HTR7: variants seen among roughly 807,000 people sequenced by gnomAD.
HTR7 encodes the protein 5-HT-7.
Under a neutral mutation model 34.0 loss-of-function variants are expected in HTR7, and 16 were observed. That is an observed-to-expected ratio of 0.47 (90% CI 0.32 to 0.71). The LOEUF is 0.71. HTR7 is among the 30% of genes least tolerant of loss of function. The pLI is 0.04. For missense variants in HTR7, 504 were observed against 625.5 expected (o/e 0.81, Z 2.07); for synonymous variants, 265 against 260.2 (o/e 1.02, Z -0.18).
chr10:90,784,354 T>C (rs1356024295), intron 1 of HTR7, among the ~76,000 whole-genome samples: 2 of 152,170 alleles, frequency 1.3e-5, no homozygotes, highest in African/African-American at 4.8e-5. Context: ...CTCTAATCCT[T>C]CTTAGGCAAG....
chr10:90,815,882 G>A (rs1018203005), intron 1 of HTR7, among the ~76,000 whole-genome samples: 4 of 152,188 alleles, frequency 2.6e-5, no homozygotes, highest in Admixed American at 2.0e-4. Context: ...GCAAAAGTCT[G>A]TGAGCACTTC....
At chr10:90,853,287 C>CT (rs35477812) in intron 1 of HTR7, among the ~76,000 whole-genome samples, 7,171 of 110,050 alleles carry the variant, frequency 0.065, 245 homozygotes, top group Non-Finnish European at 0.096. Context: ...TTTTTTTTTT[C>CT]TTTTTTTTTT....
rs1263773667 is a variant in HTR7 at position 90,857,231 on chromosome 10, C to T, written c.441G>A (p.Lys147=). The T allele has an allele frequency of 6.2e-7, 1 of 1,614,184 alleles. No individual in the cohort carries two copies. The highest frequency in any genetic ancestry group is 8.5e-7 in the Non-Finnish European group (1 of 1,180,034). The change falls in exon 1 of 4, where the codon AAG becomes AAA. Residue 147 remains lysine, a synonymous_variant. Coordinates refer to ENST00000336152, the MANE Select transcript of HTR7 (RefSeq NM_019859.4). This position sits in a 1 kb window ranked among gnomAD's most constrained non-coding sequence, Gnocchi z 6.5. The part of the protein sequence containing the change: ...FVSVTDLIGG[K]WIFGHFFCNV... ...TACAGAAAAAGTGTCCAAAGATCCA[C>T]TTGCCCCCGATGAGGTCGGTGACGC...
At chr10:90,763,837 T>C (rs552721664) in intron 1 of HTR7, among the ~76,000 whole-genome samples, 33 of 152,368 alleles carry the variant, frequency 2.2e-4, no homozygotes, top group African/African-American at 7.0e-4. Flanking sequence ...GGTGTATATG[T>C]ACCACGTTTT....
At chr10:90,841,962 T>G (rs1317617765) in intron 1 of HTR7, among the ~76,000 whole-genome samples, 2 of 152,182 alleles carry the variant, frequency 1.3e-5, no homozygotes, top group African/African-American at 2.4e-5. Flanking sequence ...ATCATGCCAC[T>G]TCACTTCAGC....
At chr10:90,806,394 C>T (rs191540645) in intron 1 of HTR7, among the ~76,000 whole-genome samples, 2,983 of 152,020 alleles carry the variant, frequency 0.02, 114 homozygotes, top group African/African-American at 0.067. Flanking sequence ...GTCAGGAGAT[C>T]GAGACCGTCC....
intron 1 of HTR7, among the ~76,000 whole-genome samples, chr10:90,844,953 C>T (rs750514912): frequency 1.3e-4 from 19 of 151,928 alleles, no homozygotes; most frequent in South Asian, 2.1e-4. Context: ...TTGTGCACCC[C>T]GCATTAACAG....
At chr10:90,765,528 T>TA (rs1434268999) in intron 1 of HTR7, among the ~76,000 whole-genome samples, 1 of 151,974 alleles carries the variant, frequency 6.6e-6, no homozygotes, top group East Asian at 1.9e-4. Context: ...TATTTCATTT[T>TA]TTTTTTTGCT....
intron 1 of HTR7, among the ~76,000 whole-genome samples, chr10:90,757,553 C>G (rs1844853488): frequency 6.6e-6 from 1 of 152,170 alleles, no homozygotes; most frequent in Admixed American, 6.5e-5. Context: ...CTACTCCCTT[C>G]CTTTCCCCGC....
At chr10:90,801,114 A>C (rs1845618727) in intron 1 of HTR7, among the ~76,000 whole-genome samples, 1 of 152,154 alleles carries the variant, frequency 6.6e-6, no homozygotes, top group Non-Finnish European at 1.5e-5. Flanking sequence ...TCCTCTAAAA[A>C]GGGAGTTTGC....
chr10:90,757,608 T>C (rs1255715008), intron 1 of HTR7, among the ~76,000 whole-genome samples: 1 of 152,148 alleles, frequency 6.6e-6, no homozygotes, highest in East Asian at 1.9e-4. Context: ...CACTAAATAC[T>C]AGCCTAAAAA....
rs184385455 is a variant in HTR7, at chr10:90,809,379, G to A, written c.539+47754C>T. ...AAAAATCCAGCCCAGTTCATGACTC[G>A]TTTGGCAGCAACCCTGAGACTCTTT... On this transcript the variant is annotated intron_variant, in intron 1 of 3. Coordinates refer to ENST00000336152, the MANE Select transcript of HTR7 (RefSeq NM_019859.4). 2.5e-3 allele frequency among the ~76,000 whole-genome samples: 379 copies of A among 152,198 alleles called. 3 individuals carry two copies. Among genetic ancestry groups the A allele is most frequent in the African/African-American group, 8.7e-3 (360 of 41,508 alleles).
intron 1 of HTR7, among the ~76,000 whole-genome samples, chr10:90,806,200 C>T (rs1845703183): frequency 6.6e-6 from 1 of 152,030 alleles, no homozygotes; most frequent in South Asian, 2.1e-4. Context: ...AAAAATGAGA[C>T]AGATAAAATT....
At position 90,800,671 on chromosome 10, in the gene HTR7, C is replaced by T. The variant is rs78194737; in HGVS notation, c.540-51077G>A. On this transcript the variant is annotated intron_variant, in intron 1 of 3. Coordinates refer to ENST00000336152, the MANE Select transcript of HTR7 (RefSeq NM_019859.4). ...TTCTTCAAACATTCACCTTATCTTA[C>T]GTAAAATGTAGATTTACTGGGCACT... 1.9e-3 allele frequency among the ~76,000 whole-genome samples: 288 copies of T among 152,170 alleles called. 7 individuals are homozygous for T. In the East Asian group the frequency reaches 0.043, roughly 23 times the overall value.
chr10:90,786,455 T>A (rs1258275137), intron 1 of HTR7, among the ~76,000 whole-genome samples: 1 of 152,214 alleles, frequency 6.6e-6, no homozygotes, highest in Non-Finnish European at 1.5e-5. Context: ...CGTGTATTTG[T>A]TCCTAATATC....
intron 1 of HTR7, among the ~76,000 whole-genome samples, chr10:90,810,779 G>A (rs1230153563): frequency 6.6e-6 from 1 of 152,100 alleles, no homozygotes; most frequent in Non-Finnish European, 1.5e-5. Context: ...TACCTGGGCT[G>A]TACTGCCGCA....
chr10:90,755,635 G>T (rs1309214032), intron 1 of HTR7, among the ~76,000 whole-genome samples: 1 of 152,094 alleles, frequency 6.6e-6, no homozygotes, highest in African/African-American at 2.4e-5. Flanking sequence ...CACGAGTCAT[G>T]ACAAAAATGC....
chr10:90,761,245 AT>A (rs1349919614), intron 1 of HTR7, among the ~76,000 whole-genome samples: 14 of 152,190 alleles, frequency 9.2e-5, no homozygotes, highest in African/African-American at 3.4e-4. Context: ...TCTTCTTCAT[AT>A]TTTTTATAAT....
intron 1 of HTR7, among the ~76,000 whole-genome samples, chr10:90,808,503 T>G (rs1205865071): frequency 2.6e-5 from 4 of 151,930 alleles, no homozygotes; most frequent in Non-Finnish European, 2.9e-5. Flanking sequence ...TGCCCCGACC[T>G]CTTATATCTC....
Sources: allele counts gnomAD v4.1 joint callset (sites outside exome capture counted in the v4.1 genomes callset), GRCh38; gene constraint gnomAD v4.1.1; non-coding constraint Gnocchi (gnomAD v3.1); transcripts MANE v1.5; gene names NCBI Gene and HGNC (gene_info 2026-07-23, HGNC 2026-07-21).